Variants in ATP6V1G1 observed in about 807,000 individuals in gnomAD.
ATP6V1G1 encodes the protein ATPase H+ transporting V1 subunit G1, also known as V-type proton ATPase subunit G 1.
ATP6V1G1 carries 14 observed loss-of-function variants against 14.2 expected under a neutral mutation model. The observed-to-expected ratio is 0.99, with a 90% CI of 0.65 to 1.55. ATP6V1G1 has a LOEUF of 1.55. Among genes scored for constraint, ATP6V1G1 ranks in the 40% most tolerant of loss-of-function variants. ATP6V1G1 has a pLI of 0.00. For synonymous variants in ATP6V1G1, 65 were observed against 53.3 expected (o/e 1.22, Z -0.96); for missense variants, 137 against 146.4 (o/e 0.94, Z 0.33).
chr9:114,591,015 C>T (rs903497319), intron 1 of ATP6V1G1, among the ~76,000 whole-genome samples: 2 of 151,820 alleles, frequency 1.3e-5, no homozygotes, highest in East Asian at 2.0e-4. Flanking sequence ...AGGTTGGTCT[C>T]GAACTCCTGA....
At chr9:114,592,388 G>T (rs1179928617) in intron 1 of ATP6V1G1, among the ~76,000 whole-genome samples, 164 bp from the exon 2 acceptor site, 1 of 152,182 alleles carries the variant, frequency 6.6e-6, no homozygotes, top group Non-Finnish European at 1.5e-5. Flanking sequence ...TAGGAGGGAG[G>T]AACCTGTACT....
At chr9:114,589,562 A>G (rs946474105) in intron 1 of ATP6V1G1, among the ~76,000 whole-genome samples, 1 of 152,164 alleles carries the variant, frequency 6.6e-6, no homozygotes, top group African/African-American at 2.4e-5. Flanking sequence ...GTACTTGGAA[A>G]GCTTTCTTTG....
intron 2 of ATP6V1G1, among the ~76,000 whole-genome samples, chr9:114,596,948 G>T (rs1348891371): frequency 6.7e-6 from 1 of 148,324 alleles, no homozygotes; most frequent in Non-Finnish European, 1.5e-5. Flanking sequence ...GAGTTTTTAG[G>T]TTGATTCCTA....
At chr9:114,594,001 A>T (rs1008515363) in intron 2 of ATP6V1G1, among the ~76,000 whole-genome samples, 2 of 152,060 alleles carry the variant, frequency 1.3e-5, no homozygotes, top group Admixed American at 6.6e-5. Context: ...TAGGTGCTGT[A>T]AGTTGTCAGG....
chr9:114,592,706 C>G, intron 2 of ATP6V1G1, 54 bp downstream of exon 2: 1 of 1,522,356 alleles, frequency 6.6e-7, no homozygotes, highest in Non-Finnish European at 8.9e-7. Flanking sequence ...CCTGTCCCGC[C>G]AAGGCTTTCA....
chr9:114,590,785 T>G (rs1291977248), intron 1 of ATP6V1G1, among the ~76,000 whole-genome samples: 2 of 151,872 alleles, frequency 1.3e-5, no homozygotes, highest in African/African-American at 4.8e-5. Flanking sequence ...TTATTTTATT[T>G]TATATATTTT....
chr9:114,591,849 T>C (rs1346360848), intron 1 of ATP6V1G1, among the ~76,000 whole-genome samples: 1 of 151,958 alleles, frequency 6.6e-6, no homozygotes, highest in African/African-American at 2.4e-5. Context: ...AAGCAGAGAT[T>C]ATATGTTGGC....
chr9:114,588,136 A>G, intron 1 of ATP6V1G1: 1 of 599,150 alleles, frequency 1.7e-6, no homozygotes. Context: ...GGGCGTGGAA[A>G]CAATAATGGG....
rs141971687 is a variant in ATP6V1G1 at position 114,592,725 on chromosome 9, A to G, written c.183+73A>G. ...TCCCGCCAAGGCTTTCAGAATATCCAGCATAGCTCAGAGATCCTGGTCGAA... is the reference window on the plus strand; with the variant it reads ...TCCCGCCAAGGCTTTCAGAATATCCGGCATAGCTCAGAGATCCTGGTCGAA... On this transcript the variant is annotated intron_variant, in intron 2 of 2. Coordinates refer to ENST00000374050, the MANE Select transcript of ATP6V1G1 (RefSeq NM_004888.4). 15 of 1,453,454 alleles carry G rather than the reference A, an allele frequency of 1.0e-5. No homozygotes were observed. In the Admixed American group the frequency reaches 3.2e-4, roughly 31 times the overall value. The allele number at this position is 1,453,454 out of a possible 1,614,324, so 90.0% of individuals were successfully genotyped here. A position where few individuals can be genotyped will look rare whatever the true frequency, so the allele number is the denominator to read the frequency against.
At chr9:114,589,402 T>C (rs901110599) in intron 1 of ATP6V1G1, among the ~76,000 whole-genome samples, 19 of 152,166 alleles carry the variant, frequency 1.2e-4, no homozygotes, top group African/African-American at 4.6e-4. Context: ...AGCAACATAG[T>C]TGGGACTCAG....
rs1158554003 is a variant in ATP6V1G1 at position 114,597,558 on chromosome 9, C to G, written c.184-12C>G. 2 of 1,488,932 alleles carry G rather than the reference C, an allele frequency of 1.3e-6. No homozygotes were observed. The highest frequency in any genetic ancestry group is 2.4e-5 in the Admixed American group (1 of 41,384). The allele number at this position is 1,488,932 out of a possible 1,614,324, so 92.2% of individuals were successfully genotyped here. ...CTGATAATCCCTCCGTGACATCACTCCCCATCTCCAGGCATTGGGATCCCG... is the reference window on the plus strand; with the variant it reads ...CTGATAATCCCTCCGTGACATCACTGCCCATCTCCAGGCATTGGGATCCCG... On this transcript the variant is annotated splice_polypyrimidine_tract_variant and intron_variant, in intron 2 of 2. Transcript: ENST00000374050.
At chr9:114,592,470 A>T in intron 1 of ATP6V1G1, 82 bp from the exon 2 acceptor site, 1 of 1,318,330 alleles carries the variant, frequency 7.6e-7, no homozygotes, top group South Asian at 1.4e-5. Context: ...TTCTTGGCTT[A>T]TTGTTATAAT....
Position 114,588,968 on chromosome 9 carries a change from A to G in ATP6V1G1, c.82+1048A>G, listed in dbSNP as rs547243623. On this transcript the variant is annotated intron_variant, in intron 1 of 2. Coordinates refer to ENST00000374050, the MANE Select transcript of ATP6V1G1 (RefSeq NM_004888.4). ...TCAGGCCTGGTGCTTTCCTCCAGCT[A>G]TACTGAATCGTTGTGGTCCCTCAGA... Among the ~76,000 whole-genome samples the G allele has an allele frequency of 4.6e-5, 7 of 152,288 alleles. 1 individual carries two copies. In the South Asian group the frequency reaches 1.5e-3, roughly 32 times the overall value.
Position 114,592,620 on chromosome 9 carries a change from A to G in ATP6V1G1, c.151A>G (p.Arg51Gly). The change falls in exon 2 of 3, where the codon AGG becomes GGG. Residue 51 changes from arginine (R) to glycine (G), a missense_variant. Coordinates refer to ENST00000374050, the MANE Select transcript of ATP6V1G1 (RefSeq NM_004888.4). ...TGAAATTGAACAGTACCGCCTGCAG[A>G]GGGAGAAAGAATTCAAGGCCAAGGA... is the stretch of plus-strand genomic sequence containing the variant. ...QAEIEQYRLQ[R>G]EKEFKAKEAA... is the part of the protein sequence containing the mutation. 4 of 1,578,562 alleles carry G rather than the reference A, an allele frequency of 2.5e-6. No individual in the cohort carries two copies. The highest frequency in any genetic ancestry group is 3.4e-6 in the Non-Finnish European group (4 of 1,161,132).
At chr9:114,589,416 C>T (rs1336681413) in intron 1 of ATP6V1G1, among the ~76,000 whole-genome samples, 4 of 152,156 alleles carry the variant, frequency 2.6e-5, no homozygotes, top group Non-Finnish European at 2.9e-5. Context: ...GACTCAGAAG[C>T]CTCTTTTTCC....
Position 114,598,014 on chromosome 9 carries a change from C to T in ATP6V1G1, c.*271C>T. 5.0e-6 allele frequency: 1 copy of T among 201,946 alleles called. No individual in the cohort carries two copies. Among genetic ancestry groups the T allele is most frequent in the Non-Finnish European group, 9.7e-6 (1 of 102,874 alleles). The allele number at this position is 201,946 out of a possible 1,614,324, so 12.5% of individuals were successfully genotyped here. ...TTCCTATGTCTTTTGGCTCAAGCAACATGTATATCAGTGTTGACTTTTTCT... is the reference window on the plus strand; with the variant it reads ...TTCCTATGTCTTTTGGCTCAAGCAATATGTATATCAGTGTTGACTTTTTCT... On this transcript the variant is annotated 3_prime_UTR_variant, in exon 3 of 3. Transcript: ENST00000374050.
At chr9:114,589,408 C>G (rs951493827) in intron 1 of ATP6V1G1, among the ~76,000 whole-genome samples, 1 of 152,160 alleles carries the variant, frequency 6.6e-6, no homozygotes, top group African/African-American at 2.4e-5. Context: ...ATAGTTGGGA[C>G]TCAGAAGCCT....
At chr9:114,594,698 A>T (rs1266119908) in intron 2 of ATP6V1G1, among the ~76,000 whole-genome samples, 1 of 151,428 alleles carries the variant, frequency 6.6e-6, no homozygotes, top group Non-Finnish European at 1.5e-5. Context: ...TCATATTTTT[A>T]CATTCTTTTT....
intron 2 of ATP6V1G1, among the ~76,000 whole-genome samples, chr9:114,596,239 T>G (rs1186462252): frequency 1.3e-5 from 2 of 151,736 alleles, no homozygotes; most frequent in Non-Finnish European, 2.9e-5. Context: ...GAAAAAAAAA[T>G]TAGCCGGGCG....
Sources: gnomAD v4.1 joint callset for allele counts (sites outside exome capture counted in the v4.1 genomes callset) on GRCh38, gnomAD v4.1.1 for gene constraint, MANE v1.5 for transcripts, NCBI Gene and HGNC (gene_info 2026-07-23, HGNC 2026-07-21) for gene names.